GRK3: variants seen among roughly 807,000 people sequenced by gnomAD.
GRK3 encodes the protein G protein-coupled receptor kinase 3, also known as adrenergic, beta, receptor kinase 2.
A neutral mutation model predicts 95.7 loss-of-function variants in GRK3; 54 were observed. The observed-to-expected ratio is 0.56, with a 90% confidence interval of 0.45 to 0.71. GRK3 has a LOEUF of 0.71. Ranked by LOEUF, GRK3 falls within the 30% of genes least tolerant of loss-of-function variation. The pLI is 0.00. For missense variants in GRK3, 649 were observed against 851.2 expected, an observed-to-expected ratio of 0.76 and a Z score of 2.96; for synonymous variants, 281 against 290.8, an observed-to-expected ratio of 0.97 and a Z score of 0.34.
intron 1 of GRK3, among the ~76,000 whole-genome samples, chr22:25,587,046 A>C (rs1247257536): frequency 6.6e-6 from 1 of 151,934 alleles, no homozygotes; most frequent in Non-Finnish European, 1.5e-5. Flanking sequence ...CACCACGCCC[A>C]GCTACAGCTA....
Position 25,722,424 on chromosome 22 carries a change from TGTCACAGAAACAGCAAC to T in GRK3, c.2043_2059del (p.Cys681TrpfsTer27). On this transcript the variant is annotated frameshift_variant, in exon 21 of 21. Coordinates refer to ENST00000324198, the MANE Select transcript of GRK3 (RefSeq NM_005160.4). LOFTEE classifies it high-confidence loss of function. Reference sequence around the variant, plus strand: ...TGTGGAGCTCCCAAAGCCATCCCTCTGTCACAGAAACAGCAACGGCCTCTAGCACCCAGAAACAGGGA... The same window carrying T: ...TGTGGAGCTCCCAAAGCCATCCCTCTGGCCTCTAGCACCCAGAAACAGGGA... 6.2e-7 allele frequency: 1 copy of T among 1,614,160 alleles called. No individual in the cohort carries two copies.
intron 8 of GRK3, among the ~76,000 whole-genome samples, chr22:25,674,992 A>C (rs188329842): frequency 4.9e-4 from 75 of 152,166 alleles, no homozygotes; most frequent in Admixed American, 4.8e-3. Context: ...GAATGAGAGC[A>C]ATAAGCTGGA....
At chr22:25,601,871 G>A (rs946765255) in intron 1 of GRK3, among the ~76,000 whole-genome samples, 12 of 152,186 alleles carry the variant, frequency 7.9e-5, no homozygotes, top group African/African-American at 2.7e-4. Flanking sequence ...ACACAAAAGC[G>A]AAAACTTTTA....
chr22:25,649,271 A>C, intron 3 of GRK3: 2 of 964,096 alleles, frequency 2.1e-6, no homozygotes, highest in Non-Finnish European at 3.4e-6. Context: ...ACATCTGCCA[A>C]AATGTGAAGA....
At chr22:25,629,382 G>A (rs1302772848) in intron 2 of GRK3, among the ~76,000 whole-genome samples, 3 of 152,180 alleles carry the variant, frequency 2.0e-5, no homozygotes, top group African/African-American at 4.8e-5. Flanking sequence ...CAGGATTTAC[G>A]GTAAATAGGT....
At position 25,722,968 on chromosome 22, in the gene GRK3, G is replaced by A. The variant is rs1376310226; in HGVS notation, c.*518G>A. 5 of 152,584 alleles carry A rather than the reference G, an allele frequency of 3.3e-5. No individual in the cohort carries two copies. The highest frequency in any genetic ancestry group is 1.2e-4 in the African/African-American group (5 of 41,440). 9.5% of individuals were successfully genotyped at this position (152,584 alleles called of 1,614,324 possible). A position where few individuals can be genotyped will look rare whatever the true frequency, so the allele number is the denominator to read the frequency against. On this transcript the variant is annotated 3_prime_UTR_variant, in exon 21 of 21. Transcript: ENST00000324198. ...AAGATATTTTCTGATGATATTAAAA[G>A]TTGAAGATATTTCTGCACTTGGGCC...
At position 25,727,151 on chromosome 22, in the gene GRK3, C is replaced by G. The variant is rs2085481354; in HGVS notation, c.*4701C>G. 6.6e-6 allele frequency: 1 copy of G among 152,036 alleles called. No homozygotes were observed. Among genetic ancestry groups the G allele is most frequent in the Non-Finnish European group, 1.5e-5 (1 of 67,998 alleles). The allele number at this position is 152,036 out of a possible 1,614,324, so 9.4% of individuals were successfully genotyped here. A position where few individuals can be genotyped will look rare whatever the true frequency, so the allele number is the denominator to read the frequency against. ...CCTGGGCAACACAGCAAGACCCCAT[C>G]TCTACAAAAAAAATTTTTTTAAGTA... On this transcript the variant is annotated 3_prime_UTR_variant, in exon 21 of 21. Coordinates refer to ENST00000324198, the MANE Select transcript of GRK3 (RefSeq NM_005160.4).
At chr22:25,568,413 T>C (rs1931569537) in intron 1 of GRK3, among the ~76,000 whole-genome samples, 4 of 152,202 alleles carry the variant, frequency 2.6e-5, no homozygotes, top group African/African-American at 9.6e-5. Flanking sequence ...TGGAGTCTTA[T>C]TTCTATTTAC....
chr22:25,569,928 CTGACAGTGGGAGAGGCA>C (rs1266948025), intron 1 of GRK3, among the ~76,000 whole-genome samples: 1 of 152,210 alleles, frequency 6.6e-6, no homozygotes, highest in Admixed American at 6.5e-5. Context: ...CAGGTGACAC[CTGACAGTGGGAGAGGCA>C]GGAGGGACGC....
At chr22:25,667,019 G>C (rs1416050453) in intron 5 of GRK3, among the ~76,000 whole-genome samples, 1 of 152,124 alleles carries the variant, frequency 6.6e-6, no homozygotes, top group Non-Finnish European at 1.5e-5. Context: ...CTCCATGAGG[G>C]GAAGAGCACT....
intron 17 of GRK3, among the ~76,000 whole-genome samples, chr22:25,712,412 T>A (rs918941260): frequency 6.6e-6 from 1 of 152,220 alleles, no homozygotes; most frequent in African/African-American, 2.4e-5. Flanking sequence ...TGGGGAACAA[T>A]CCATTTACAA....
intron 15 of GRK3, among the ~76,000 whole-genome samples, chr22:25,704,672 A>G (rs2085286140): frequency 6.6e-6 from 1 of 152,244 alleles, no homozygotes; most frequent in African/African-American, 2.4e-5. Flanking sequence ...TGGCCTCTCA[A>G]AGTGCTGGGA....
At chr22:25,611,891 G>A (rs1363450348) in intron 2 of GRK3, among the ~76,000 whole-genome samples, 1 of 143,498 alleles carries the variant, frequency 7.0e-6, no homozygotes, top group Non-Finnish European at 1.5e-5. Context: ...GGAGTACAGT[G>A]GTGCAATCTG....
chr22:25,702,621 A>G (rs1357048879), intron 13 of GRK3, among the ~76,000 whole-genome samples: 1 of 152,246 alleles, frequency 6.6e-6, no homozygotes, highest in East Asian at 1.9e-4. Context: ...CAGCTTCTCC[A>G]AAGTTTTTAA....
At chr22:25,645,795 C>A (rs2084777449) in intron 3 of GRK3, among the ~76,000 whole-genome samples, 1 of 152,058 alleles carries the variant, frequency 6.6e-6, no homozygotes, top group Admixed American at 6.5e-5. Context: ...GTGGTGGGCG[C>A]CTGTAGTCCC....
intron 2 of GRK3, among the ~76,000 whole-genome samples, chr22:25,613,986 A>G (rs938629491): frequency 2.6e-5 from 4 of 151,884 alleles, no homozygotes; most frequent in Non-Finnish European, 5.9e-5. Flanking sequence ...AAGACCAGCC[A>G]TAATTATCAT....
intron 12 of GRK3, among the ~76,000 whole-genome samples, chr22:25,691,531 A>G (rs765284677): frequency 5.9e-5 from 9 of 152,254 alleles, no homozygotes; most frequent in Non-Finnish European, 1.2e-4. Flanking sequence ...TATGGTGATA[A>G]AAGCATTAGC....
In GRK3 at chr22:25,703,875, A is replaced by G. The variant is rs140011404; in HGVS notation, c.1228-234A>G. On this transcript the variant is annotated intron_variant, in intron 14 of 20. Transcript: ENST00000324198. ...AAGAAATCAAAGAAAAGGAGAAATT[A>G]CTGAGATGCCAACGAATGAGAATGC... Among the ~76,000 whole-genome samples, 32 of 152,352 alleles carry G rather than the reference A, an allele frequency of 2.1e-4. No individual in the cohort carries two copies. The East Asian group carries it at 4.4e-3, about 21-fold the overall frequency.
Position 25,685,260 on chromosome 22 carries a change from T to A in GRK3, c.826+12T>A, listed in dbSNP as rs1195931631. 2 of 1,598,698 alleles carry A rather than the reference T, an allele frequency of 1.3e-6. No homozygotes were observed. Among genetic ancestry groups the A allele is most frequent in the South Asian group, 2.2e-5 (2 of 90,734 alleles). ...GGATCTGATGAACGGTAAGCAAAAC[T>A]TGGAAAATCTGAATGCCTTGAAAGA... On this transcript the variant is annotated intron_variant, in intron 10 of 20. Transcript: ENST00000324198.
Sources: allele counts gnomAD v4.1 joint callset (sites outside exome capture counted in the v4.1 genomes callset), GRCh38; gene constraint gnomAD v4.1.1; transcripts MANE v1.5; gene names NCBI Gene and HGNC (gene_info 2026-07-23, HGNC 2026-07-21).